The following ZEB2 variants were observed in gnomAD, a reference collection of about 807,000 sequenced individuals.
ZEB2 encodes zinc finger E-box binding homeobox 2.
Under a neutral mutation model 99.9 loss-of-function variants are expected in ZEB2, and 6 were observed. That is an observed-to-expected ratio of 0.06 (90% CI 0.03 to 0.12). ZEB2 has a LOEUF of 0.12. Ranked by LOEUF, ZEB2 falls within the 10% of genes least tolerant of loss-of-function variation. The pLI, the probability that ZEB2 is intolerant of heterozygous loss-of-function variation, is 1.00. For synonymous variants in ZEB2, 517 were observed against 542.5 expected, an observed-to-expected ratio of 0.95 and a Z score of 0.65; for missense variants, 969 against 1,502.8, an observed-to-expected ratio of 0.64 and a Z score of 5.87.
intron 2 of ZEB2, among the ~76,000 whole-genome samples, chr2:144,502,447 T>A (rs1704885786): frequency 6.6e-6 from 1 of 152,146 alleles, no homozygotes; most frequent in African/African-American, 2.4e-5. Context: ...TATGGGCGGT[T>A]TGTCTTTGAG....
chr2:144,388,946 A>T lies in ZEB2; in HGVS notation c.*505T>A. ...GTGGTTACTTAAGCTGAAAAAAAAAATGGGAAATTGATGAATAGCGAAAGG... is the reference window on the plus strand; with the variant it reads ...GTGGTTACTTAAGCTGAAAAAAAAATTGGGAAATTGATGAATAGCGAAAGG... On this transcript the variant is annotated 3_prime_UTR_variant, in exon 10 of 10. Transcript: ENST00000627532. This position sits in a 1 kb window ranked among gnomAD's most constrained non-coding sequence, Gnocchi z 5.4. The T allele has an allele frequency of 2.2e-6, 1 of 449,872 alleles. No individual in the cohort carries two copies. Among genetic ancestry groups the T allele is most frequent in the Admixed American group, 2.6e-5 (1 of 38,568 alleles). 27.9% of individuals were successfully genotyped at this position (449,872 alleles called of 1,614,324 possible). A position where few individuals can be genotyped will look rare whatever the true frequency, so the allele number is the denominator to read the frequency against.
intron 4 of ZEB2, among the ~76,000 whole-genome samples, chr2:144,415,736 GA>G (rs1703531015): frequency 6.6e-6 from 1 of 152,166 alleles, no homozygotes; most frequent in Non-Finnish European, 1.5e-5. Context: ...CCCTGGTTAT[GA>G]ACCATTAACA....
intron 9 of ZEB2, among the ~76,000 whole-genome samples, chr2:144,391,661 A>C (rs1009351056): frequency 6.6e-6 from 1 of 152,200 alleles, no homozygotes; most frequent in Non-Finnish European, 1.5e-5. Flanking sequence ...ATTTGGGAAA[A>C]AGACAAGAGG....
At chr2:144,456,738 G>C (rs189899147) in intron 2 of ZEB2, among the ~76,000 whole-genome samples, 1 of 152,138 alleles carries the variant, frequency 6.6e-6, no homozygotes, top group African/African-American at 2.4e-5. Context: ...ACAGTCATCC[G>C]TACAGTGGCC....
intron 2 of ZEB2, among the ~76,000 whole-genome samples, chr2:144,465,415 C>T (rs1704257689): frequency 6.6e-6 from 1 of 152,152 alleles, no homozygotes; most frequent in African/African-American, 2.4e-5. Context: ...TTCTAGAGAT[C>T]TTGATGTGGT....
chr2:144,400,818 TC>T (rs1376864525), intron 7 of ZEB2, among the ~76,000 whole-genome samples: 3 of 152,214 alleles, frequency 2.0e-5, no homozygotes, highest in Non-Finnish European at 4.4e-5. Context: ...ATAGCTCTTA[TC>T]CAAAATTCTT....
chr2:144,467,337 T>C (rs1046203819), intron 2 of ZEB2, among the ~76,000 whole-genome samples: 30 of 152,118 alleles, frequency 2.0e-4, no homozygotes, highest in Non-Finnish European at 1.2e-4. Context: ...AATGTTAAAA[T>C]GGGCTGGGAA....
intron 2 of ZEB2, among the ~76,000 whole-genome samples, chr2:144,510,120 C>T (rs1031386930): frequency 2.0e-5 from 3 of 151,902 alleles, no homozygotes; most frequent in African/African-American, 7.2e-5. Context: ...CACAACTTTT[C>T]CCCCTAAAAT....
chr2:144,491,367 A>C (rs1470331595), intron 2 of ZEB2, among the ~76,000 whole-genome samples: 1 of 152,056 alleles, frequency 6.6e-6, no homozygotes, highest in East Asian at 1.9e-4. Context: ...GAAAAAAAAA[A>C]AAAAAAACGA....
At chr2:144,489,400 G>A (rs1328786203) in intron 2 of ZEB2, among the ~76,000 whole-genome samples, 3 of 151,764 alleles carry the variant, frequency 2.0e-5, no homozygotes, top group African/African-American at 7.3e-5. Context: ...TTTTCCCTAA[G>A]CAAAAACACT....
chr2:144,505,376 T>C (rs1016864593), intron 2 of ZEB2, among the ~76,000 whole-genome samples: 2 of 152,198 alleles, frequency 1.3e-5, no homozygotes, highest in African/African-American at 4.8e-5. Context: ...AAAGTTCAAG[T>C]TGGCAAAAGT....
chr2:144,477,541 A>T (rs4662223), intron 2 of ZEB2, among the ~76,000 whole-genome samples: 1 of 152,128 alleles, frequency 6.6e-6, no homozygotes, highest in African/African-American at 2.4e-5. Context: ...TGTAACAAAC[A>T]CCAGCTATAA....
intron 2 of ZEB2, among the ~76,000 whole-genome samples, chr2:144,443,826 T>G (rs1703948704): frequency 6.6e-6 from 1 of 151,972 alleles, no homozygotes; most frequent in African/African-American, 2.4e-5. Flanking sequence ...TGCATTCTTG[T>G]CCTGAACGAA....
intron 2 of ZEB2, among the ~76,000 whole-genome samples, chr2:144,457,846 A>G (rs1560632444): frequency 1.3e-5 from 2 of 152,206 alleles, no homozygotes; most frequent in African/African-American, 4.8e-5. Context: ...AGACAGCTGT[A>G]TACTAAATAA....
intron 2 of ZEB2, among the ~76,000 whole-genome samples, chr2:144,445,900 C>A (rs1447740559): frequency 6.6e-6 from 1 of 152,172 alleles, no homozygotes; most frequent in Non-Finnish European, 1.5e-5. Context: ...TGGTTTCAGT[C>A]TCAGACAGTT....
chr2:144,505,712 T>C (rs1704944310), intron 2 of ZEB2, among the ~76,000 whole-genome samples: 1 of 152,134 alleles, frequency 6.6e-6, no homozygotes, highest in Non-Finnish European at 1.5e-5. Flanking sequence ...TTGTTCAACA[T>C]AGCAGTTTGA....
At chr2:144,410,246 C>A (rs1418273728) in intron 4 of ZEB2, among the ~76,000 whole-genome samples, 1 of 152,138 alleles carries the variant, frequency 6.6e-6, no homozygotes, top group Admixed American at 6.5e-5. Flanking sequence ...TTCCTCATGA[C>A]CATGTGTATT....
chr2:144,498,692 AC>A (rs1704824935), intron 2 of ZEB2, among the ~76,000 whole-genome samples: 1 of 152,198 alleles, frequency 6.6e-6, no homozygotes, highest in African/African-American at 2.4e-5. Context: ...GCCACTTGGA[AC>A]AACCAGCTGA....
At chr2:144,494,619 C>T (rs1704734557) in intron 2 of ZEB2, 1 of 152,048 alleles carries the variant, frequency 6.6e-6, no homozygotes, top group Non-Finnish European at 1.5e-5. Context: ...CTTTAATGCC[C>T]AGCTGGTTCT....
Sources: gnomAD v4.1 joint callset for allele counts (sites outside exome capture counted in the v4.1 genomes callset) on GRCh38, gnomAD v4.1.1 for gene constraint, Gnocchi (gnomAD v3.1) non-coding constraint, MANE v1.5 for transcripts, NCBI Gene and HGNC (gene_info 2026-07-23, HGNC 2026-07-21) for gene names.